The following KCNMA1 variants were observed in gnomAD, a reference collection of about 807,000 sequenced individuals.
The protein encoded by KCNMA1 is potassium calcium-activated channel subfamily M alpha 1.
Under a neutral mutation model 140.0 loss-of-function variants are expected in KCNMA1, and 29 were observed. The observed-to-expected ratio is 0.21, with a 90% CI of 0.15 to 0.28. The LOEUF (loss-of-function observed/expected upper bound fraction) is 0.28, where lower values mean the gene tolerates loss of function less well. Ranked by LOEUF, KCNMA1 falls within the 10% of genes least tolerant of loss-of-function variation. The pLI, the probability that KCNMA1 is intolerant of heterozygous loss-of-function variation, is 1.00. For missense variants in KCNMA1, 880 were observed against 1,602.2 expected (o/e 0.55, Z 7.70); for synonymous variants, 612 against 611.9 (o/e 1.00, Z 0.00).
At chr10:77,352,644 GTGTGTT>G (rs1405186169) in intron 2 of KCNMA1, among the ~76,000 whole-genome samples, 180 of 151,600 alleles carry the variant, frequency 1.2e-3, no homozygotes, top group South Asian at 3.8e-3. Context: ...GTGTGTGTGT[GTGTGTT>G]TGTGTGTGTG....
chr10:77,497,642 T>C (rs539670328), intron 1 of KCNMA1, among the ~76,000 whole-genome samples: 1 of 152,306 alleles, frequency 6.6e-6, no homozygotes, highest in East Asian at 1.9e-4. Context: ...GAGAGCTGAG[T>C]TTAACCCGAC....
At chr10:76,870,257 C>T (rs1472461502) in exon 28 of KCNMA1, 1 of 152,232 alleles carries the variant, frequency 6.6e-6, no homozygotes, top group Admixed American at 6.5e-5. Flanking sequence ...GACCCTGAGT[C>T]CCATGGGAGG....
At chr10:76,907,830 G>A (rs1005792915) in intron 25 of KCNMA1, among the ~76,000 whole-genome samples, 10 of 152,220 alleles carry the variant, frequency 6.6e-5, no homozygotes, top group Middle Eastern at 3.4e-3. Context: ...GGTAGCCACC[G>A]CACCCAGCCC....
intron 17 of KCNMA1, among the ~76,000 whole-genome samples, chr10:77,015,876 G>T (rs1341769762): frequency 6.6e-6 from 1 of 152,050 alleles, no homozygotes; most frequent in Admixed American, 6.6e-5. Context: ...AGTCCAAGCT[G>T]CCATCATCTC....
At chr10:77,433,265 G>T (rs1009730141) in intron 1 of KCNMA1, among the ~76,000 whole-genome samples, 1 of 152,028 alleles carries the variant, frequency 6.6e-6, no homozygotes, top group Non-Finnish European at 1.5e-5. Flanking sequence ...CAATTCTCAC[G>T]CCTCAGCCTC....
At chr10:76,884,570 G>A (rs1221400591), downstream of KCNMA1, 2 of 160,300 alleles carry the variant, frequency 1.2e-5, no homozygotes, top group Non-Finnish European at 2.7e-5. Flanking sequence ...AAATGCTTTC[G>A]GACTTGGAGC....
chr10:77,221,985 C>T (rs997932725), intron 3 of KCNMA1, among the ~76,000 whole-genome samples: 1 of 146,668 alleles, frequency 6.8e-6, no homozygotes, highest in Non-Finnish European at 1.5e-5. Flanking sequence ...GAGCCTATTT[C>T]ATCATCTGTA....
At chr10:77,595,850 C>A (rs1043527378) in intron 1 of KCNMA1, among the ~76,000 whole-genome samples, 7 of 152,104 alleles carry the variant, frequency 4.6e-5, no homozygotes. Context: ...GGTTTCTGAC[C>A]CATATTGGCC....
chr10:77,223,506 A>G (rs1325974283), intron 3 of KCNMA1, among the ~76,000 whole-genome samples: 1 of 152,256 alleles, frequency 6.6e-6, no homozygotes, highest in Non-Finnish European at 1.5e-5. Flanking sequence ...TGAATAAAAA[A>G]TGAGAATCCC....
At chr10:77,197,698 A>G (rs2041001222) in intron 3 of KCNMA1, among the ~76,000 whole-genome samples, 1 of 152,190 alleles carries the variant, frequency 6.6e-6, no homozygotes, top group Admixed American at 6.5e-5. Flanking sequence ...CAGTGCAGGA[A>G]AAGAATCTGG....
At chr10:77,327,438 C>G (rs1411556754) in intron 2 of KCNMA1, among the ~76,000 whole-genome samples, 2 of 152,102 alleles carry the variant, frequency 1.3e-5, no homozygotes, top group Non-Finnish European at 2.9e-5. Flanking sequence ...ACTGCAACCT[C>G]TGCCTCCTGG....
chr10:77,241,159 C>A (rs1341059163), intron 3 of KCNMA1, among the ~76,000 whole-genome samples: 1 of 152,090 alleles, frequency 6.6e-6, no homozygotes, highest in Non-Finnish European at 1.5e-5. Flanking sequence ...TGTCTCTGAG[C>A]ATGTTTTCTT....
intron 2 of KCNMA1, among the ~76,000 whole-genome samples, chr10:77,276,506 C>T (rs1305821660): frequency 1.3e-5 from 2 of 152,208 alleles, no homozygotes; most frequent in African/African-American, 4.8e-5. Flanking sequence ...TCACTTAACC[C>T]TCTGGTATTC....
intron 1 of KCNMA1, chr10:77,587,977 T>A: frequency 1.9e-6 from 1 of 524,086 alleles, no homozygotes. Flanking sequence ...AAGCACTCTA[T>A]TTTAAGTTAG....
intron 2 of KCNMA1, among the ~76,000 whole-genome samples, chr10:77,306,617 T>G (rs1293230483): frequency 6.6e-6 from 1 of 152,218 alleles, no homozygotes; most frequent in Non-Finnish European, 1.5e-5. Context: ...AAGAAAAGAA[T>G]TAACATGATC....
intron 1 of KCNMA1, among the ~76,000 whole-genome samples, chr10:77,537,237 C>A (rs1269874515): frequency 1.3e-5 from 2 of 152,070 alleles, no homozygotes; most frequent in Non-Finnish European, 2.9e-5. Context: ...TTCCCCTCCA[C>A]CCCCCTGCTC....
chr10:76,896,792 T>A (rs1378128086), intron 25 of KCNMA1, among the ~76,000 whole-genome samples: 1 of 152,084 alleles, frequency 6.6e-6, no homozygotes, highest in Admixed American at 6.6e-5. Flanking sequence ...ATACAAAGTT[T>A]CTTTTTGATG....
intron 14 of KCNMA1, among the ~76,000 whole-genome samples, chr10:77,041,680 A>G (rs908110016): frequency 2.7e-4 from 41 of 152,216 alleles, no homozygotes; most frequent in Non-Finnish European, 5.6e-4. Flanking sequence ...GGGATCTCAC[A>G]GGCCTCCCTG....
chr10:77,575,416 G>A (rs1156959247), intron 1 of KCNMA1, among the ~76,000 whole-genome samples: 1 of 152,158 alleles, frequency 6.6e-6, no homozygotes, highest in Non-Finnish European at 1.5e-5. Flanking sequence ...CCACCACATT[G>A]CAATTCCACC....
Sources: gnomAD v4.1 joint callset for allele counts (sites outside exome capture counted in the v4.1 genomes callset) on GRCh38, gnomAD v4.1.1 for gene constraint, MANE v1.5 for transcripts, NCBI Gene and HGNC (gene_info 2026-07-23, HGNC 2026-07-21) for gene names.